BMPR2: variants seen among roughly 807,000 people sequenced by gnomAD.
BMPR2 encodes the protein bone morphogenetic protein receptor type-2.
Under a neutral mutation model 100.8 loss-of-function variants are expected in BMPR2, and 29 were observed. The observed-to-expected ratio is 0.29, with a 90% CI of 0.21 to 0.39. The LOEUF is 0.39. Ranked by LOEUF, BMPR2 falls within the 10% of genes least tolerant of loss-of-function variation. The probability of loss-of-function intolerance (pLI) is 1.00; values close to 1 mark genes in which losing one functional copy is unlikely to be tolerated. For synonymous variants in BMPR2, 382 were observed against 442.3 expected (o/e 0.86, Z 1.71); for missense variants, 1,011 against 1,274.5 (o/e 0.79, Z 3.15).
At chr2:202,396,647 AAAG>A (rs1406680626) in intron 1 of BMPR2, among the ~76,000 whole-genome samples, 16 of 152,216 alleles carry the variant, frequency 1.1e-4, no homozygotes, top group African/African-American at 3.6e-4. Flanking sequence ...AGATATATGA[AAAG>A]AAGCCCCATT....
chr2:202,465,554 T>C (rs965642510), intron 2 of BMPR2, among the ~76,000 whole-genome samples: 1 of 152,152 alleles, frequency 6.6e-6, no homozygotes, highest in African/African-American at 2.4e-5. Context: ...TACAATAATA[T>C]ACTCTTTAAA....
At chr2:202,535,790 G>C (rs1342354178) in intron 9 of BMPR2, among the ~76,000 whole-genome samples, 1 of 152,192 alleles carries the variant, frequency 6.6e-6, no homozygotes, top group Admixed American at 6.5e-5. Context: ...TCCAGCCTGG[G>C]CACCATTGAG....
rs1448819969 is a variant in BMPR2 at position 202,562,241 on chromosome 2, T to G, written c.*2295T>G. The G allele has an allele frequency of 1.3e-5, 2 of 152,544 alleles. No homozygotes were observed. The highest frequency in any genetic ancestry group is 2.9e-5 in the Non-Finnish European group (2 of 67,998). The allele number at this position is 152,544 out of a possible 1,614,324, so 9.4% of individuals were successfully genotyped here. On this transcript the variant is annotated 3_prime_UTR_variant, in exon 13 of 13. Transcript: ENST00000374580. ...TATCTTACGTTCTGCTATATTTGTA[T>G]TTGGGCCAGTTGATTGTAGGTTGTC...
rs1191648857 is a variant in BMPR2, at chr2:202,376,855, C to G, written c.-620C>G. The stretch of plus-strand genomic sequence containing the variant: ...CGGTTGTTCTGCGAAGGCGTGGGGA[C>G]TGTGAGCTTGTCCATGGAGGCAGGC... On this transcript the variant is annotated 5_prime_UTR_variant, in exon 1 of 13. Transcript: ENST00000374580. The G allele has an allele frequency of 9.8e-6, 4 of 408,686 alleles. No individual in the cohort carries two copies. The East Asian group carries it at 1.4e-4, about 14-fold the overall frequency. 25.3% of individuals were successfully genotyped at this position (408,686 alleles called of 1,614,324 possible).
At chr2:202,424,352 C>T (rs965466507) in intron 1 of BMPR2, among the ~76,000 whole-genome samples, 1 of 149,846 alleles carries the variant, frequency 6.7e-6, no homozygotes, top group Non-Finnish European at 1.5e-5. Context: ...TCAGCCTGGG[C>T]GACAGAGCAG....
chr2:202,515,119 C>CTAG (rs1687689922), intron 5 of BMPR2, 140 bp downstream of exon 5: 1 of 795,822 alleles, frequency 1.3e-6, no homozygotes, highest in South Asian at 1.5e-5. Context: ...AAGGCCTATT[C>CTAG]TAGGCACTAG....
At chr2:202,403,346 C>T (rs755073976) in intron 1 of BMPR2, among the ~76,000 whole-genome samples, 25 of 151,904 alleles carry the variant, frequency 1.6e-4, no homozygotes, top group Middle Eastern at 3.4e-3. Flanking sequence ...ACTACAGTTG[C>T]GCACTGCCAC....
intron 7 of BMPR2, among the ~76,000 whole-genome samples, chr2:202,528,007 G>A (rs1374939146): frequency 6.6e-6 from 1 of 151,770 alleles, no homozygotes; most frequent in Non-Finnish European, 1.5e-5. Flanking sequence ...CGGCAACATA[G>A]TGAGACCCCG....
chr2:202,475,235 G>A (rs1692522088), intron 3 of BMPR2: 2 of 151,664 alleles, frequency 1.3e-5, no homozygotes, highest in Admixed American at 6.6e-5. Context: ...ATTTTTAGTA[G>A]TTTGGCCAAG....
chr2:202,481,232 CCAATGGTG>C (rs1481308833), intron 3 of BMPR2, among the ~76,000 whole-genome samples: 1 of 151,964 alleles, frequency 6.6e-6, no homozygotes, highest in African/African-American at 2.4e-5. Context: ...ACACTGGAGT[CCAATGGTG>C]TGATCTCAGC....
intron 1 of BMPR2, among the ~76,000 whole-genome samples, chr2:202,396,871 C>A (rs1269153061): frequency 6.6e-6 from 1 of 152,034 alleles, no homozygotes; most frequent in African/African-American, 2.4e-5. Context: ...GATCTCGGCT[C>A]AAGGCAACCT....
chr2:202,407,308 A>G (rs777020240), intron 1 of BMPR2, among the ~76,000 whole-genome samples: 1 of 151,398 alleles, frequency 6.6e-6, no homozygotes, highest in Non-Finnish European at 1.5e-5. Context: ...TAAACTCCTG[A>G]CTTCAAACTC....
chr2:202,437,067 G>A (rs1299039025), intron 1 of BMPR2, among the ~76,000 whole-genome samples: 1 of 150,446 alleles, frequency 6.6e-6, no homozygotes, highest in Non-Finnish European at 1.5e-5. Flanking sequence ...GTGCAGTGGC[G>A]TGATCTCGGC....
At chr2:202,479,965 T>C (rs1290357645) in intron 3 of BMPR2, among the ~76,000 whole-genome samples, 1 of 152,092 alleles carries the variant, frequency 6.6e-6, no homozygotes, top group Non-Finnish European at 1.5e-5. Flanking sequence ...TTTGTCTTTT[T>C]ATTGTTGAGT....
chr2:202,421,702 G>C (rs1479347793), intron 1 of BMPR2, among the ~76,000 whole-genome samples: 7 of 147,096 alleles, frequency 4.8e-5, no homozygotes, highest in Non-Finnish European at 7.5e-5. Context: ...TTTAACTGTA[G>C]ACTAGAAGCT....
rs183737157 is a variant in BMPR2, at chr2:202,412,653, T to G, written c.76+35103T>G. Among the ~76,000 whole-genome samples, 27 of 152,342 alleles carry G rather than the reference T, an allele frequency of 1.8e-4. No individual in the cohort carries two copies. The East Asian group carries it at 3.9e-3, about 22-fold the overall frequency. ...ATACTTTAAAAAATATAATTTATAT[T>G]TGGCACCTATATTTCTCAATAAAAA... On this transcript the variant is annotated intron_variant, in intron 1 of 12. Coordinates refer to ENST00000374580, the MANE Select transcript of BMPR2 (RefSeq NM_001204.7).
At chr2:202,405,349 T>C (rs895809162) in intron 1 of BMPR2, among the ~76,000 whole-genome samples, 1 of 151,998 alleles carries the variant, frequency 6.6e-6, no homozygotes, top group African/African-American at 2.4e-5. Context: ...CTATATAATT[T>C]GCAAGTCCCA....
intron 3 of BMPR2, among the ~76,000 whole-genome samples, chr2:202,483,518 C>G (rs952427503): frequency 2.6e-5 from 4 of 151,950 alleles, no homozygotes; most frequent in Admixed American, 6.6e-5. Flanking sequence ...CCTGCCTCAG[C>G]CTCCCAAGTA....
chr2:202,441,926 G>A (rs1402869135), intron 1 of BMPR2, among the ~76,000 whole-genome samples: 1 of 146,762 alleles, frequency 6.8e-6, no homozygotes, highest in African/African-American at 2.6e-5. Context: ...CCAGCTACTC[G>A]GGAGGCTGAG....
Sources: gnomAD v4.1 joint callset for allele counts (sites outside exome capture counted in the v4.1 genomes callset) on GRCh38, gnomAD v4.1.1 for gene constraint, MANE v1.5 for transcripts, NCBI Gene and HGNC (gene_info 2026-07-23, HGNC 2026-07-21) for gene names.